MOB2: variants seen among roughly 807,000 people sequenced by gnomAD.
MOB2 encodes the protein MOB2 Mps One Binder homolog.
A neutral mutation model predicts 27.4 loss-of-function variants in MOB2; 14 were observed. The ratio of observed to expected loss-of-function variants is 0.51; its 90% CI spans 0.34 to 0.80. The LOEUF (loss-of-function observed/expected upper bound fraction) is 0.80. MOB2 is among the 30% of genes least tolerant of loss of function. The pLI is 0.01. For synonymous variants in MOB2, 167 were observed against 151.8 expected (o/e 1.10, Z -0.74); for missense variants, 304 against 354.6 (o/e 0.86, Z 1.15).
intron 3 of MOB2, among the ~76,000 whole-genome samples, chr11:1,478,345 G>A (rs1313289394): frequency 6.6e-6 from 1 of 152,272 alleles, no homozygotes; most frequent in Non-Finnish European, 1.5e-5. Context: ...AGGCCCTCCT[G>A]TTGGGAGAAC....
intron 3 of MOB2, 101 bp downstream of exon 3, chr11:1,480,292 G>T: frequency 9.1e-7 from 1 of 1,095,750 alleles, no homozygotes; most frequent in Non-Finnish European, 1.3e-6. Flanking sequence ...GGGTCTCCAG[G>T]TGAGAACGGA....
At chr11:1,483,091 C>T (rs139449880) in intron 1 of MOB2, among the ~76,000 whole-genome samples, 310 of 152,328 alleles carry the variant, frequency 2.0e-3, no homozygotes, top group Non-Finnish European at 3.2e-3. Context: ...AACACCTCTG[C>T]GGCGCCCCCC....
At chr11:1,477,206 G>C (rs1177623107) in intron 3 of MOB2, among the ~76,000 whole-genome samples, 2 of 152,188 alleles carry the variant, frequency 1.3e-5, no homozygotes, top group African/African-American at 4.8e-5. Flanking sequence ...CGTTTGCTTT[G>C]TGTGGAAAGC....
chr11:1,470,522 A>G (rs760323356), intron 4 of MOB2, 34 bp from the exon 5 acceptor site: 3 of 1,593,154 alleles, frequency 1.9e-6, no homozygotes, highest in Non-Finnish European at 2.6e-6. Context: ...AGCTGCAGAC[A>G]TCCCTTGGCC....
intron 3 of MOB2, among the ~76,000 whole-genome samples, chr11:1,477,567 C>T (rs536680658): frequency 5.7e-4 from 87 of 152,294 alleles, no homozygotes; most frequent in African/African-American, 1.8e-3. Flanking sequence ...GTGGCTCCGT[C>T]GCCCTGCCTT....
At chr11:1,473,981 C>T (rs1223516786) in intron 3 of MOB2, among the ~76,000 whole-genome samples, 1 of 152,242 alleles carries the variant, frequency 6.6e-6, no homozygotes, top group Non-Finnish European at 1.5e-5. Flanking sequence ...TGTCGGAAGT[C>T]CACGGCTCCT....
At chr11:1,485,132 G>A (rs1029041073) in intron 1 of MOB2, among the ~76,000 whole-genome samples, 1 of 152,188 alleles carries the variant, frequency 6.6e-6, no homozygotes, top group Admixed American at 6.5e-5. Flanking sequence ...CCAGCTCCCA[G>A]CCAAGGTGGC....
At chr11:1,473,311 C>T (rs1237547060) in intron 3 of MOB2, 1 of 152,352 alleles carries the variant, frequency 6.6e-6, no homozygotes, top group Non-Finnish European at 1.5e-5. Flanking sequence ...GTGGGCATCG[C>T]CACCAGGCTG....
intron 1 of MOB2, 84 bp from the exon 2 acceptor site, chr11:1,480,969 G>A (rs1847906756): frequency 7.3e-6 from 11 of 1,496,932 alleles, no homozygotes; most frequent in Non-Finnish European, 9.9e-6. Flanking sequence ...GGCCAGCGCA[G>A]GTGTAGAGGG....
At chr11:1,471,470 A>G (rs1415175619) in intron 3 of MOB2, 51 bp from the exon 4 acceptor site, 1 of 1,571,464 alleles carries the variant, frequency 6.4e-7, no homozygotes, top group Non-Finnish European at 8.7e-7. Context: ...ACACCCACCC[A>G]GCCACTGGGT....
intron 3 of MOB2, among the ~76,000 whole-genome samples, chr11:1,474,497 ATAG>A (rs1209842386): frequency 3.9e-5 from 6 of 152,170 alleles, no homozygotes; most frequent in African/African-American, 1.4e-4. Flanking sequence ...GGCATGAGGG[ATAG>A]GTCAGCGTTT....
At chr11:1,477,671 C>T (rs941691463) in intron 3 of MOB2, among the ~76,000 whole-genome samples, 5 of 152,122 alleles carry the variant, frequency 3.3e-5, no homozygotes, top group Non-Finnish European at 7.4e-5. Context: ...TGGTCAGTGC[C>T]CCCTTCCTGG....
chr11:1,480,579 C>T, intron 2 of MOB2, 93 bp from the exon 3 acceptor site: 1 of 1,540,468 alleles, frequency 6.5e-7, no homozygotes, highest in Admixed American at 1.7e-5. Flanking sequence ...AGGAGCTCGG[C>T]TGGGTGAGCT....
chr11:1,473,880 T>C (rs1426308196), intron 3 of MOB2, among the ~76,000 whole-genome samples: 2 of 152,238 alleles, frequency 1.3e-5, no homozygotes, highest in Non-Finnish European at 2.9e-5. Context: ...TCCTCAGGGA[T>C]GGGCCGCGGG....
chr11:1,471,369 G>C lies in MOB2; in HGVS notation c.416C>G (p.Pro139Arg). The C allele has an allele frequency of 6.2e-7, 1 of 1,613,576 alleles. No individual in the cohort carries two copies. Among genetic ancestry groups the C allele is most frequent in the Non-Finnish European group, 8.5e-7 (1 of 1,179,816 alleles). ...ERGKKVKCTA[P>R]QYVDFVMSSV... ...GCTCATGACGAAGTCAACGTACTGT[G>C]GGGCCGTGCACTTGACCTTCTTCCC... is the stretch of plus-strand genomic sequence containing the variant. Residue 139 changes from proline (P) to arginine (R), a missense_variant, in exon 4 of 5, where the codon CCA becomes CGA. Pro to Arg is a moderately radical substitution (Grantham distance 103). Transcript: ENST00000329957.
chr11:1,471,597 A>C, intron 3 of MOB2, 178 bp from the exon 4 acceptor site: 1 of 680,192 alleles, frequency 1.5e-6, no homozygotes, highest in Non-Finnish European at 2.4e-6. Flanking sequence ...TGCGGGGACC[A>C]CACTGCACTC....
chr11:1,480,579 C>G, intron 2 of MOB2, 93 bp from the exon 3 acceptor site: 1 of 1,540,468 alleles, frequency 6.5e-7, no homozygotes, highest in Non-Finnish European at 8.9e-7. Flanking sequence ...AGGAGCTCGG[C>G]TGGGTGAGCT....
At chr11:1,480,983 T>C in intron 1 of MOB2, 98 bp from the exon 2 acceptor site, 1 of 1,442,208 alleles carries the variant, frequency 6.9e-7, no homozygotes, top group Admixed American at 2.1e-5. Flanking sequence ...TAGAGGGAGC[T>C]GCCCGAGCCC....
intron 1 of MOB2, among the ~76,000 whole-genome samples, chr11:1,483,548 G>A (rs11030296): frequency 0.3 from 45,891 of 152,030 alleles, 7,664 homozygotes; most frequent in East Asian, 0.63. Context: ...CCTCCTTCCT[G>A]CCTCCCACAC....
Sources: allele counts gnomAD v4.1 joint callset (sites outside exome capture counted in the v4.1 genomes callset), GRCh38; gene constraint gnomAD v4.1.1; transcripts MANE v1.5; gene names NCBI Gene and HGNC (gene_info 2026-07-23, HGNC 2026-07-21).